PPARGC1B: variants seen among roughly 807,000 people sequenced by gnomAD.
PPARGC1B encodes the protein peroxisome proliferator-activated receptor gamma coactivator 1-beta.
PPARGC1B carries 34 observed loss-of-function variants against 101.6 expected under a neutral mutation model. The ratio of observed to expected loss-of-function variants is 0.33; its 90% CI spans 0.25 to 0.45. PPARGC1B has a LOEUF of 0.45. Among genes scored for constraint, PPARGC1B ranks in the 20% least tolerant of loss-of-function variants. The pLI, the probability that PPARGC1B is intolerant of heterozygous loss-of-function variation, is 1.00. For missense variants in PPARGC1B, 1,234 were observed against 1,317.6 expected (o/e 0.94, Z 0.98); for synonymous variants, 548 against 539.3 (o/e 1.02, Z -0.22).
chr5:149,763,973 C>G (rs1433669675), intron 1 of PPARGC1B, among the ~76,000 whole-genome samples: 1 of 152,090 alleles, frequency 6.6e-6, no homozygotes, highest in Non-Finnish European at 1.5e-5. Context: ...AGCCACTGGG[C>G]CCAGCCACTC....
chr5:149,827,007 A>G (rs1244632446), intron 3 of PPARGC1B, 122 bp downstream of exon 3: 37 of 785,904 alleles, frequency 4.7e-5, no homozygotes, highest in Non-Finnish European at 7.1e-5. Context: ...CACTGGCAAT[A>G]TTGATCACAG....
chr5:149,746,306 CTA>C (rs1326488432), intron 1 of PPARGC1B, among the ~76,000 whole-genome samples: 1 of 152,174 alleles, frequency 6.6e-6, no homozygotes, highest in Non-Finnish European at 1.5e-5. Flanking sequence ...CTTTCTGTCT[CTA>C]TGATTTTGGT....
intron 1 of PPARGC1B, among the ~76,000 whole-genome samples, chr5:149,736,256 T>C (rs951291733): frequency 2.6e-5 from 4 of 152,150 alleles, no homozygotes; most frequent in African/African-American, 9.7e-5. Flanking sequence ...AATAATACAG[T>C]ATATCTAAAA....
chr5:149,810,052 C>T (rs150585411), intron 1 of PPARGC1B, among the ~76,000 whole-genome samples: 39 of 152,296 alleles, frequency 2.6e-4, no homozygotes, highest in African/African-American at 8.9e-4. Flanking sequence ...TTGAGAGATG[C>T]GGAGAGGGCA....
rs1759725805 is a variant in PPARGC1B at position 149,850,482 on chromosome 5, C to T, written c.*2924C>T. 1 of 152,234 alleles carries T rather than the reference C, an allele frequency of 6.6e-6. No individual in the cohort carries two copies. The highest frequency in any genetic ancestry group is 1.5e-5 in the Non-Finnish European group (1 of 68,046). The allele number at this position is 152,234 out of a possible 1,614,324, so 9.4% of individuals were successfully genotyped here. On this transcript the variant is annotated 3_prime_UTR_variant, in exon 12 of 12. Transcript: ENST00000309241. ...AGTAGTCTCTACTTGCTATCCCGTA[C>T]ATAAAATGCTACAAGTTCTAAAATT...
At chr5:149,796,700 C>T in intron 1 of PPARGC1B, among the ~76,000 whole-genome samples, 1 of 152,050 alleles carries the variant, frequency 6.6e-6, no homozygotes, top group Admixed American at 6.6e-5. Context: ...ACAAGACTGG[C>T]TGATGGATGG....
chr5:149,761,874 G>C (rs969095116), intron 1 of PPARGC1B, among the ~76,000 whole-genome samples: 1 of 152,224 alleles, frequency 6.6e-6, no homozygotes, highest in East Asian at 1.9e-4. Context: ...GTGGATAACA[G>C]TAGTGCCAAC....
In PPARGC1B at chr5:149,845,842, C is replaced by T. The variant is rs763065915; in HGVS notation, c.2899C>T (p.Arg967Cys). Residue 967 changes from arginine (R) to cysteine (C), a missense_variant, in exon 11 of 12, where the codon CGC becomes TGC. Arg to Cys is a radical substitution (Grantham distance 180, BLOSUM62 -3). Around this residue, in one of 3 missense-constraint regions of PPARGC1B, gnomAD observed 497 missense variants for 529.5 expected, o/e 0.94. Coordinates refer to ENST00000309241, the MANE Select transcript of PPARGC1B (RefSeq NM_133263.4). ...SLTKGAALRK[R>C]NEPSFQLSYG... is the part of the protein sequence containing the mutation. The stretch of plus-strand genomic sequence containing the variant: ...GACAAAGGGCGCTGCCCTGAGGAAG[C>T]GCAACGAGCCCTCCTTCCAGCTGAG... 58 of 1,614,094 alleles carry T rather than the reference C, an allele frequency of 3.6e-5. No individual in the cohort carries two copies. The highest frequency in any genetic ancestry group is 4.7e-5 in the Non-Finnish European group (55 of 1,180,038).
intron 9 of PPARGC1B, among the ~76,000 whole-genome samples, chr5:149,841,106 A>G (rs1759317272): frequency 1.3e-5 from 2 of 152,168 alleles, no homozygotes; most frequent in Non-Finnish European, 2.9e-5. Context: ...GGAATAAACA[A>G]TGTAATTACA....
chr5:149,772,007 G>A, intron 1 of PPARGC1B: 1 of 1,460,824 alleles, frequency 6.8e-7, no homozygotes, highest in South Asian at 1.4e-5. Flanking sequence ...CAGGCAGGAA[G>A]CAGGCTCAGA....
intron 2 of PPARGC1B, among the ~76,000 whole-genome samples, chr5:149,826,307 G>A (rs1446428736): frequency 6.6e-6 from 1 of 152,140 alleles, no homozygotes; most frequent in Non-Finnish European, 1.5e-5. Context: ...CTACCAGTGT[G>A]GTAGGCCAGC....
At chr5:149,747,569 C>G (rs1755135530) in intron 1 of PPARGC1B, among the ~76,000 whole-genome samples, 1 of 152,198 alleles carries the variant, frequency 6.6e-6, no homozygotes, top group South Asian at 2.1e-4. Context: ...GCCCCAGTGC[C>G]CTAGTGGCCT....
chr5:149,768,499 A>C (rs1439911470), intron 1 of PPARGC1B, among the ~76,000 whole-genome samples: 2 of 134,878 alleles, frequency 1.5e-5, no homozygotes, highest in East Asian at 4.3e-4. Context: ...ACTGGAGTGC[A>C]GTGGTGCCAT....
downstream of PPARGC1B, among the ~76,000 whole-genome samples, chr5:149,856,162 G>A (rs548828482): frequency 2.1e-4 from 32 of 152,218 alleles, no homozygotes; most frequent in South Asian, 3.5e-3. Context: ...TACATTTTAT[G>A]TTATGTGCAA....
intron 1 of PPARGC1B, among the ~76,000 whole-genome samples, chr5:149,735,826 G>A (rs1047795976): frequency 1.3e-5 from 2 of 152,202 alleles, no homozygotes; most frequent in African/African-American, 4.8e-5. Flanking sequence ...CACATAGATT[G>A]TATAGAGAGA....
At chr5:149,805,949 G>T (rs1757582095) in intron 1 of PPARGC1B, among the ~76,000 whole-genome samples, 1 of 152,256 alleles carries the variant, frequency 6.6e-6, no homozygotes, top group Non-Finnish European at 1.5e-5. Context: ...TGGGCTGTGA[G>T]GCCCCTCCAG....
At position 149,836,292 on chromosome 5, in the gene PPARGC1B, A is replaced by G; in HGVS notation, c.1837A>G (p.Lys613Glu). The G allele has an allele frequency of 1.2e-6, 2 of 1,602,374 alleles. No individual in the cohort carries two copies. Among genetic ancestry groups the G allele is most frequent in the South Asian group, 1.1e-5 (1 of 89,656 alleles). ...GLTPPTTPPY[K>E]PTEEDPFKPD... ...CACCCCACCCACCACACCACCGTAC[A>G]AGCCCACAGAGGAGGATCCCTTCAA... The change falls in exon 8 of 12, where the codon AAG becomes GAG. Residue 613 changes from lysine to glutamate, a missense_variant. Around this residue, in one of 3 missense-constraint regions of PPARGC1B, gnomAD observed 497 missense variants for 529.5 expected, o/e 0.94. Coordinates refer to ENST00000309241, the MANE Select transcript of PPARGC1B (RefSeq NM_133263.4).
intron 10 of PPARGC1B, among the ~76,000 whole-genome samples, chr5:149,842,971 C>CA (rs1489218283): frequency 2.6e-5 from 4 of 152,190 alleles, no homozygotes; most frequent in Non-Finnish European, 5.9e-5. Context: ...AGTTCAAGAC[C>CA]AGCCTGGCCA....
Position 149,847,522 on chromosome 5 carries a change from C to G in PPARGC1B, c.3036C>G (p.Asp1012Glu), listed in dbSNP as rs376181810. ...GCAAGTATGAAGCCATGGATTTTGA[C>G]AGCTTACTGAAAGAGGCCCAGCAGA... ...GKSKYEAMDF[D>E]SLLKEAQQSL... is the part of the protein sequence containing the mutation. Residue 1012 changes from aspartate (D) to glutamate (E), a missense_variant, in exon 12 of 12, where the codon GAC becomes GAG. Physicochemically the swap from Asp to Glu is conservative, Grantham distance 45. Coordinates refer to ENST00000309241, the MANE Select transcript of PPARGC1B (RefSeq NM_133263.4). 1.9e-6 allele frequency: 3 copies of G among 1,614,174 alleles called. No homozygotes were observed. Among genetic ancestry groups the G allele is most frequent in the Non-Finnish European group, 2.5e-6 (3 of 1,180,032 alleles).
Sources: allele counts gnomAD v4.1 joint callset (sites outside exome capture counted in the v4.1 genomes callset), GRCh38; gene constraint gnomAD v4.1.1; regional missense constraint gnomAD v4.1.1; transcripts MANE v1.5; gene names NCBI Gene and HGNC (gene_info 2026-07-23, HGNC 2026-07-21).